RPS6KA2: variants seen among roughly 807,000 people sequenced by gnomAD.
The protein encoded by RPS6KA2 is ribosomal protein S6 kinase alpha-2.
RPS6KA2 carries 42 observed loss-of-function variants against 91.8 expected under a neutral mutation model. The observed-to-expected ratio is 0.46, with a 90% CI of 0.36 to 0.59. The LOEUF is 0.59. RPS6KA2 is among the 20% of genes least tolerant of loss of function. The pLI is 0.00. For synonymous variants in RPS6KA2, 414 were observed against 393.6 expected (o/e 1.05, Z -0.61); for missense variants, 798 against 978.5 (o/e 0.82, Z 2.46).
intron 2 of RPS6KA2, among the ~76,000 whole-genome samples, chr6:166,681,063 G>C (rs953812996): frequency 6.6e-6 from 1 of 152,176 alleles, no homozygotes; most frequent in Admixed American, 6.5e-5. Flanking sequence ...ATCAGGCTTT[G>C]TTCCCTAGTG....
At chr6:166,464,585 C>T (rs1562512150) in intron 11 of RPS6KA2, among the ~76,000 whole-genome samples, 3 of 152,164 alleles carry the variant, frequency 2.0e-5, no homozygotes, top group Non-Finnish European at 2.9e-5. Context: ...CTGCAAGGGA[C>T]GCCAGGCTGG....
rs1783374118 is a variant in RPS6KA2 at position 166,533,637 on chromosome 6, G to A, written c.217-2324C>T. ...GGACACCTGGTGCAGGACAAACCGG[G>A]CAGCCTGGTCACTGAGTCACTGTGT... On this transcript the variant is annotated intron_variant, in intron 2 of 20. Transcript: ENST00000265678. The surrounding 1 kb of genome is among the most constrained non-coding windows in gnomAD (Gnocchi z 4.0). Among the ~76,000 whole-genome samples, 1 of 152,216 alleles carries A rather than the reference G, an allele frequency of 6.6e-6. No homozygotes were observed. Among genetic ancestry groups the A allele is most frequent in the Non-Finnish European group, 1.5e-5 (1 of 68,038 alleles).
At chr6:166,739,224 T>G (rs1790745311) in intron 2 of RPS6KA2, among the ~76,000 whole-genome samples, 1 of 152,262 alleles carries the variant, frequency 6.6e-6, no homozygotes, top group Non-Finnish European at 1.5e-5. Context: ...TAACATTTCC[T>G]CTTTTCTTTG....
At chr6:166,618,855 C>T (rs75422652) in intron 1 of RPS6KA2, among the ~76,000 whole-genome samples, 22,515 of 152,212 alleles carry the variant, frequency 0.15, 1,689 homozygotes, top group Non-Finnish European at 0.17. Flanking sequence ...CAGTACGACG[C>T]GCTCAGGAAG....
intron 2 of RPS6KA2, among the ~76,000 whole-genome samples, chr6:166,711,217 C>T (rs559880115): frequency 4.0e-5 from 6 of 150,932 alleles, no homozygotes; most frequent in Non-Finnish European, 8.8e-5. Flanking sequence ...GGAATAGCCC[C>T]ACAACTTCCT....
chr6:166,468,601 C>T (rs1263282261), intron 11 of RPS6KA2, among the ~76,000 whole-genome samples: 2 of 151,840 alleles, frequency 1.3e-5, no homozygotes, highest in South Asian at 2.1e-4. Flanking sequence ...CGGTGGCTCA[C>T]GCCTGTAATC....
intron 1 of RPS6KA2, among the ~76,000 whole-genome samples, chr6:166,615,862 G>A (rs1347642731): frequency 1.3e-5 from 2 of 152,132 alleles, no homozygotes; most frequent in Admixed American, 6.5e-5. Flanking sequence ...CAGGACTCCC[G>A]CCCACTCTTT....
At chr6:166,610,304 C>T (rs781304289) in intron 1 of RPS6KA2, among the ~76,000 whole-genome samples, 29 of 152,316 alleles carry the variant, frequency 1.9e-4, no homozygotes, top group Non-Finnish European at 2.9e-4. Context: ...GCTCCTTTCC[C>T]GTGAATAAGG....
chr6:166,742,636 G>C (rs1171021202), intron 2 of RPS6KA2, among the ~76,000 whole-genome samples: 2 of 152,070 alleles, frequency 1.3e-5, no homozygotes, highest in Admixed American at 6.5e-5. Flanking sequence ...TCTCATTCCT[G>C]CAGCATCCTT....
chr6:166,608,482 C>T (rs1583322252), intron 1 of RPS6KA2, among the ~76,000 whole-genome samples: 1 of 152,188 alleles, frequency 6.6e-6, no homozygotes, highest in South Asian at 2.1e-4. Context: ...AAAAATTCCC[C>T]TTTAAGAATT....
chr6:166,674,669 T>G (rs1788570202), intron 2 of RPS6KA2, among the ~76,000 whole-genome samples: 1 of 152,042 alleles, frequency 6.6e-6, no homozygotes, highest in African/African-American at 2.4e-5. Flanking sequence ...ATGAAGACAG[T>G]GTTTTGTTTT....
chr6:166,751,118 GC>G (rs1223349360), intron 2 of RPS6KA2, among the ~76,000 whole-genome samples: 1 of 152,204 alleles, frequency 6.6e-6, no homozygotes, highest in African/African-American at 2.4e-5. Context: ...TCCAGGTTCA[GC>G]GGTGAAATAG....
At chr6:166,534,863 G>T (rs1270147042) in intron 2 of RPS6KA2, among the ~76,000 whole-genome samples, 1 of 152,268 alleles carries the variant, frequency 6.6e-6, no homozygotes, top group Non-Finnish European at 1.5e-5. Context: ...ACAGGACCCA[G>T]TGGAGGGGAA....
At chr6:166,590,051 C>T (rs374787976) in intron 1 of RPS6KA2, among the ~76,000 whole-genome samples, 29 of 152,264 alleles carry the variant, frequency 1.9e-4, no homozygotes, top group African/African-American at 7.0e-4. Context: ...GGGGGGAATA[C>T]AGACGGTGCT....
intron 5 of RPS6KA2, among the ~76,000 whole-genome samples, chr6:166,505,856 G>C (rs185775386): frequency 6.6e-6 from 1 of 152,256 alleles, no homozygotes; most frequent in Non-Finnish European, 1.5e-5. Flanking sequence ...CTGACAGCAC[G>C]TTCTGCTAGT....
intron 1 of RPS6KA2, among the ~76,000 whole-genome samples, chr6:166,618,489 T>C (rs984334835): frequency 6.6e-6 from 1 of 152,010 alleles, no homozygotes; most frequent in Non-Finnish European, 1.5e-5. Context: ...GAAGGGAAGA[T>C]CACTGGGGTA....
intron 10 of RPS6KA2, among the ~76,000 whole-genome samples, chr6:166,484,886 G>A (rs138792704): frequency 1.6e-4 from 24 of 152,338 alleles, no homozygotes; most frequent in Non-Finnish European, 3.1e-4. Context: ...AGTGAATTTC[G>A]TAAGTTTCTT....
rs1290622656 is a variant in RPS6KA2, at chr6:166,554,713, T to G, written c.100-15929A>C. Among the ~76,000 whole-genome samples, 1 of 152,176 alleles carries G rather than the reference T, an allele frequency of 6.6e-6. No individual in the cohort carries two copies. The highest frequency in any genetic ancestry group is 1.5e-5 in the Non-Finnish European group (1 of 68,036). ...AACCTGCTGTCTGAAAGGGTTTTGT[T>G]TTTTTGTTTTTTTCTAAGCAAACAA... On this transcript the variant is annotated intron_variant, in intron 1 of 20. Coordinates refer to ENST00000265678, the MANE Select transcript of RPS6KA2 (RefSeq NM_021135.6). The surrounding 1 kb of genome is among the most constrained non-coding windows in gnomAD (Gnocchi z 4.3).
intron 2 of RPS6KA2, among the ~76,000 whole-genome samples, chr6:166,815,147 C>T (rs16899521): frequency 0.033 from 4,999 of 152,220 alleles, 280 homozygotes; most frequent in African/African-American, 0.11. Context: ...TCTAAATGAC[C>T]GATTAAAGAA....
Sources: gnomAD v4.1 joint callset for allele counts (sites outside exome capture counted in the v4.1 genomes callset) on GRCh38, gnomAD v4.1.1 for gene constraint, Gnocchi (gnomAD v3.1) non-coding constraint, MANE v1.5 for transcripts, NCBI Gene and HGNC (gene_info 2026-07-23, HGNC 2026-07-21) for gene names.